Variants in CCDC144A observed in about 807,000 individuals in gnomAD.
CCDC144A encodes coiled-coil domain-containing protein 144A.
CCDC144A carries 41 observed loss-of-function variants against 143.8 expected under a neutral mutation model. That is an observed-to-expected ratio of 0.29 (90% confidence interval 0.22 to 0.37). The LOEUF is 0.37. CCDC144A is among the 10% of genes least tolerant of loss of function. CCDC144A has a pLI of 1.00. For missense variants in CCDC144A, 637 were observed against 1,488.8 expected, an observed-to-expected ratio of 0.43 and a Z score of 9.41; for synonymous variants, 242 against 517.9, an observed-to-expected ratio of 0.47 and a Z score of 7.23.
chr17:16,732,990 G>A lies in CCDC144A; in HGVS notation c.2418+324G>A, dbSNP rs576365669. 7.9e-5 allele frequency among the ~76,000 whole-genome samples: 12 copies of A among 151,624 alleles called. 1 individual carries two copies. The Middle Eastern group carries it at 0.014, about 172-fold the overall frequency. ...AAAATCCTTGCTACTAACAACAGAC[G>A]TTCTAGTTTTCAGACATTATTTCAT... On this transcript the variant is annotated intron_variant, in intron 11 of 16. Coordinates refer to ENST00000399273, the MANE Select transcript of CCDC144A (RefSeq NM_001382000.1).
chr17:16,675,184 G>T, the CCDC144A span, among the ~76,000 whole-genome samples: 1 of 150,998 alleles, frequency 6.6e-6, no homozygotes, highest in South Asian at 2.1e-4. Context: ...CAAGAGAAGC[G>T]CCTGAACCTG....
Position 16,773,819 on chromosome 17 carries a change from A to G in CCDC144A, c.*186A>G. 1 of 583,974 alleles carries G rather than the reference A, an allele frequency of 1.7e-6. No individual in the cohort carries two copies. Among genetic ancestry groups the G allele is most frequent in the South Asian group, 3.8e-5 (1 of 26,410 alleles). 36.2% of individuals were successfully genotyped at this position (583,974 alleles called of 1,614,324 possible). A position where few individuals can be genotyped will look rare whatever the true frequency, so the allele number is the denominator to read the frequency against. On this transcript the variant is annotated 3_prime_UTR_variant, in exon 17 of 17. Transcript: ENST00000399273. ...TTTTAAGTGGATTTTGCAAATGAAA[A>G]CCAGTATTACTGAGTTTTACATACT...
At chr17:16,678,592 T>TTTTTTTTTTTTTTTTTC in the CCDC144A span, among the ~76,000 whole-genome samples, 1 of 150,252 alleles carries the variant, frequency 6.7e-6, no homozygotes, top group Non-Finnish European at 1.5e-5. Context: ...TTTCTTTTTT[T>TTTTTTTTTTTTTTTTTC]TTTTTTTTGA....
At chr17:16,756,985 C>T (rs895148419) in intron 12 of CCDC144A, among the ~76,000 whole-genome samples, 2 of 152,246 alleles carry the variant, frequency 1.3e-5, no homozygotes, top group African/African-American at 4.8e-5. Context: ...GGGAGGACAG[C>T]AGGCCAGTCC....
chr17:16,770,307 G>A (rs1256305794), intron 15 of CCDC144A, among the ~76,000 whole-genome samples: 2 of 152,010 alleles, frequency 1.3e-5, no homozygotes, highest in Non-Finnish European at 2.9e-5. Context: ...CCACCACCAT[G>A]CCCGGCTAAT....
At chr17:16,684,636 GAT>G (rs1428731449), upstream of CCDC144A, among the ~76,000 whole-genome samples, 1 of 148,430 alleles carries the variant, frequency 6.7e-6, no homozygotes, top group African/African-American at 2.5e-5. Context: ...CCTGAGCAAC[GAT>G]ATGAGACTCT....
chr17:16,679,619 G>A, the CCDC144A span, among the ~76,000 whole-genome samples: 4 of 151,882 alleles, frequency 2.6e-5, no homozygotes, highest in Non-Finnish European at 5.9e-5. Flanking sequence ...ACTGTTCTCA[G>A]TACTTGTTTA....
chr17:16,667,171 C>G, the CCDC144A span: 1 of 169,006 alleles, frequency 5.9e-6, no homozygotes. Flanking sequence ...CTGGACCCCG[C>G]TGGGCAGCGC....
intron 7 of CCDC144A, 53 bp downstream of exon 7, chr17:16,720,284 A>G (rs1913016333): frequency 1.2e-5 from 18 of 1,515,428 alleles, no homozygotes; most frequent in Admixed American, 2.5e-5. Context: ...AACAAGTTCT[A>G]AAAGGTAAAA....
chr17:16,695,591 C>T (rs1359779278), intron 2 of CCDC144A: 1 of 151,908 alleles, frequency 6.6e-6, no homozygotes, highest in African/African-American at 2.4e-5. Flanking sequence ...CAGAGTGAGA[C>T]CCTGTCTCAA....
intron 5 of CCDC144A, among the ~76,000 whole-genome samples, chr17:16,711,148 A>AAAAAAAAC (rs1567589738): frequency 1.4e-5 from 2 of 140,786 alleles, no homozygotes; most frequent in Non-Finnish European, 3.1e-5. Context: ...AAAAAAAAAA[A>AAAAAAAAC]AAAAAAAAAA....
In CCDC144A at chr17:16,690,569, A is replaced by G. The variant is rs1176139835; in HGVS notation, c.169A>G (p.Ser57Gly). Residue 57 changes from serine to glycine, a missense_variant, in exon 1 of 17, where the codon AGC becomes GGC. Ser to Gly is a moderately conservative substitution (Grantham distance 56). Coordinates refer to ENST00000399273, the MANE Select transcript of CCDC144A (RefSeq NM_001382000.1). Reference protein sequence around the residue: ...SGFPYSWWKNSVGSESKHGEG... With the variant: ...SGFPYSWWKNGVGSESKHGEG... ...CTTCCCCTACAGCTGGTGGAAAAAC[A>G]GCGTCGGCAGCGAGAGCAAGCACGG... 3 of 1,613,764 alleles carry G rather than the reference A, an allele frequency of 1.9e-6. No individual in the cohort carries two copies. Among genetic ancestry groups the G allele is most frequent in the Non-Finnish European group, 2.5e-6 (3 of 1,179,846 alleles).
chr17:16,682,918 T>C, the CCDC144A span, among the ~76,000 whole-genome samples: 5 of 104,634 alleles, frequency 4.8e-5, no homozygotes, highest in African/African-American at 2.2e-4. Flanking sequence ...TTTTTTTTTT[T>C]TGAGACAGAG....
intron 6 of CCDC144A, among the ~76,000 whole-genome samples, chr17:16,716,603 A>G (rs186016280): frequency 6.6e-6 from 1 of 152,228 alleles, no homozygotes. Flanking sequence ...AATGACTATA[A>G]TGACATTTAG....
the CCDC144A span, among the ~76,000 whole-genome samples, chr17:16,681,732 C>T: frequency 6.6e-5 from 10 of 151,468 alleles, no homozygotes; most frequent in Admixed American, 4.0e-4. Flanking sequence ...TGGTGGCGCA[C>T]GCCTATAATC....
chr17:16,705,801 A>G (rs1257693018), intron 3 of CCDC144A: 1 of 244,222 alleles, frequency 4.1e-6, no homozygotes, highest in African/African-American at 2.3e-5. Flanking sequence ...ACTACAATTT[A>G]AAAGACACCT....
At position 16,707,489 on chromosome 17, in the gene CCDC144A, A is replaced by AC. The variant is rs1912127308; in HGVS notation, c.686dup (p.Ser230IlefsTer9). 1 of 1,607,994 alleles carries AC rather than the reference A, an allele frequency of 6.2e-7. No homozygotes were observed. Among genetic ancestry groups the AC allele is most frequent in the Non-Finnish European group, 8.5e-7 (1 of 1,178,082 alleles). ...TGCAGCAGAACAAGACTCGGAGCTG[A>AC]CATCAGAGGAAGAGCAAGAAAGACT... is the stretch of plus-strand genomic sequence containing the variant. On this transcript the variant is annotated frameshift_variant, in exon 4 of 17. Coordinates refer to ENST00000399273, the MANE Select transcript of CCDC144A (RefSeq NM_001382000.1). LOFTEE classifies it high-confidence loss of function.
At chr17:16,722,817 C>G (rs1212424961) in intron 8 of CCDC144A, among the ~76,000 whole-genome samples, 2 of 151,938 alleles carry the variant, frequency 1.3e-5, no homozygotes, top group Non-Finnish European at 2.9e-5. Context: ...TGGTAATATG[C>G]CTTTGTGGTT....
intron 8 of CCDC144A, among the ~76,000 whole-genome samples, chr17:16,724,708 T>A (rs1892231612): frequency 6.6e-6 from 1 of 151,254 alleles, no homozygotes; most frequent in Admixed American, 6.6e-5. Context: ...CTATTTCGTC[T>A]ATTGATTTTT....
Sources: gnomAD v4.1 joint callset for allele counts (sites outside exome capture counted in the v4.1 genomes callset) on GRCh38, gnomAD v4.1.1 for gene constraint, MANE v1.5 for transcripts, NCBI Gene and HGNC (gene_info 2026-07-23, HGNC 2026-07-21) for gene names.